The following ACSL3 variants were observed in gnomAD, a reference collection of about 807,000 sequenced individuals.
The protein encoded by ACSL3 is acyl-CoA synthetase long chain family member 3.
A neutral mutation model predicts 84.7 loss-of-function variants in ACSL3; 34 were observed. That is an observed-to-expected ratio of 0.40 (90% CI 0.31 to 0.53). The LOEUF (loss-of-function observed/expected upper bound fraction) is 0.53. ACSL3 is among the 20% of genes least tolerant of loss of function. ACSL3 has a pLI of 0.48. For missense variants in ACSL3, 680 were observed against 873.1 expected (o/e 0.78, Z 2.79); for synonymous variants, 315 against 299.4 (o/e 1.05, Z -0.54).
At chr2:222,862,730 A>G (rs575604324) in intron 1 of ACSL3, among the ~76,000 whole-genome samples, 129 of 152,138 alleles carry the variant, frequency 8.5e-4, no homozygotes, top group African/African-American at 3.1e-3. Flanking sequence ...GTTTTGTAGG[A>G]TGACATTGGG....
chr2:222,892,475 T>G (rs1029737063), intron 2 of ACSL3, among the ~76,000 whole-genome samples: 4 of 135,690 alleles, frequency 2.9e-5, no homozygotes, highest in Admixed American at 1.6e-4. Flanking sequence ...GCACTTTCCA[T>G]TATAACTCTG....
At chr2:222,865,206 TTTTAA>T (rs575510032) in intron 1 of ACSL3, among the ~76,000 whole-genome samples, 125 of 152,360 alleles carry the variant, frequency 8.2e-4, no homozygotes, top group Non-Finnish European at 1.3e-3. Context: ...GCCTTAATTC[TTTTAA>T]TTTAAAGTTT....
intron 16 of ACSL3, among the ~76,000 whole-genome samples, chr2:222,936,934 C>T (rs368463086): frequency 1.8e-4 from 28 of 152,154 alleles, no homozygotes; most frequent in African/African-American, 6.3e-4. Flanking sequence ...CTCACCATCA[C>T]GAGAACAACA....
chr2:222,905,006 C>T (rs1052738266), intron 3 of ACSL3: 1 of 152,610 alleles, frequency 6.6e-6, no homozygotes, highest in African/African-American at 2.4e-5. Flanking sequence ...CCTTTGCTGC[C>T]AGCAGCAGTT....
intron 7 of ACSL3, among the ~76,000 whole-genome samples, chr2:222,920,135 G>C (rs1014989231): frequency 9.2e-5 from 14 of 152,170 alleles, no homozygotes; most frequent in African/African-American, 7.2e-5. Flanking sequence ...CACAAGGATT[G>C]TAATTTCCAA....
At chr2:222,926,698 GATAA>G (rs1329582459) in intron 11 of ACSL3, among the ~76,000 whole-genome samples, 4 of 152,054 alleles carry the variant, frequency 2.6e-5, no homozygotes, top group African/African-American at 9.7e-5. Context: ...ATTAATATAT[GATAA>G]ATATTTTATG....
At chr2:222,871,249 G>GA (rs71408539) in intron 1 of ACSL3, among the ~76,000 whole-genome samples, 42,035 of 151,914 alleles carry the variant, frequency 0.28, 6,259 homozygotes, top group Middle Eastern at 0.34. Context: ...TGGGAAAGGT[G>GA]AAAGCAGAGT....
intron 1 of ACSL3, among the ~76,000 whole-genome samples, chr2:222,873,846 ATTTG>A (rs2106086794): frequency 6.6e-6 from 1 of 152,312 alleles, no homozygotes; most frequent in Non-Finnish European, 1.5e-5. Flanking sequence ...TCTCAAGTAA[ATTTG>A]TTTTTCTTCA....
chr2:222,934,743 T>C, intron 16 of ACSL3, 56 bp downstream of exon 16: 2 of 1,559,084 alleles, frequency 1.3e-6, no homozygotes, highest in Non-Finnish European at 1.7e-6. Flanking sequence ...AGTACTTACA[T>C]GCATTCAACC....
At chr2:222,907,795 C>T (rs1310081952) in intron 3 of ACSL3, among the ~76,000 whole-genome samples, 1 of 151,516 alleles carries the variant, frequency 6.6e-6, no homozygotes. Context: ...CCACCTGCCA[C>T]ACAATGGCTG....
chr2:222,870,660 A>T (rs1000071562), intron 1 of ACSL3, among the ~76,000 whole-genome samples: 3 of 152,212 alleles, frequency 2.0e-5, no homozygotes, highest in Non-Finnish European at 4.4e-5. Context: ...AGGACATTCC[A>T]GGTAGAGCTA....
intron 16 of ACSL3, among the ~76,000 whole-genome samples, chr2:222,936,493 C>G (rs964120671): frequency 6.6e-6 from 1 of 152,134 alleles, no homozygotes; most frequent in East Asian, 1.9e-4. Context: ...TTGCATTTCT[C>G]TTTTTATTAG....
chr2:222,923,195 C>T, intron 10 of ACSL3, 46 bp downstream of exon 10: 1 of 1,463,620 alleles, frequency 6.8e-7, no homozygotes, highest in South Asian at 1.1e-5. Context: ...AGAAGTATCA[C>T]CCGCTACAAA....
rs556449039 is a variant in ACSL3, at chr2:222,940,867, T to C, written c.2006-630T>C. Reference sequence around the variant, plus strand: ...TGTCATTAAGAGATGCGTGACTATATTGGATACCCTATTAGATACCTGTCT... The same window carrying C: ...TGTCATTAAGAGATGCGTGACTATACTGGATACCCTATTAGATACCTGTCT... On this transcript the variant is annotated intron_variant, in intron 16 of 16. Transcript: ENST00000357430. 9.2e-5 allele frequency among the ~76,000 whole-genome samples: 14 copies of C among 152,248 alleles called. No homozygotes were observed. The East Asian group carries it at 2.5e-3, about 27-fold the overall frequency.
intron 1 of ACSL3, among the ~76,000 whole-genome samples, chr2:222,885,738 T>TTAAG (rs1695703485): frequency 2.0e-5 from 3 of 151,566 alleles, no homozygotes; most frequent in Admixed American, 2.0e-4. Flanking sequence ...GTATCTGAGT[T>TTAAG]TAAGGTCTGT....
chr2:222,867,899 T>C (rs1695195253), intron 1 of ACSL3, among the ~76,000 whole-genome samples: 1 of 152,090 alleles, frequency 6.6e-6, no homozygotes, highest in African/African-American at 2.4e-5. Context: ...TTGTCCATTA[T>C]ACTTAACAGT....
chr2:222,889,336 T>A (rs371656205), intron 2 of ACSL3, among the ~76,000 whole-genome samples: 3 of 152,120 alleles, frequency 2.0e-5, no homozygotes, highest in Admixed American at 2.0e-4. Flanking sequence ...CAAAGATAAC[T>A]TTGTCATAAT....
chr2:222,863,084 A>T (rs13028279), intron 1 of ACSL3, among the ~76,000 whole-genome samples: 6,478 of 152,296 alleles, frequency 0.043, 198 homozygotes, highest in Middle Eastern at 0.088. Flanking sequence ...AGAGCCATTT[A>T]ATTTTTGTGA....
At position 222,941,946 on chromosome 2, in the gene ACSL3, A is replaced by G. The variant is rs1042357434; in HGVS notation, c.*292A>G. On this transcript the variant is annotated 3_prime_UTR_variant, in exon 17 of 17. Transcript: ENST00000357430. ...GGGAAGCAGTGATTTTAAAACCTCA[A>G]GTTTTTAAACATGATTTATATGTTC... The G allele has an allele frequency of 2.1e-5, 6 of 285,768 alleles. No homozygotes were observed. Among genetic ancestry groups the G allele is most frequent in the Admixed American group, 1.0e-4 (2 of 20,078 alleles). 17.7% of individuals were successfully genotyped at this position (285,768 alleles called of 1,614,324 possible). A position where few individuals can be genotyped will look rare whatever the true frequency, so the allele number is the denominator to read the frequency against.
Sources: allele counts gnomAD v4.1 joint callset (sites outside exome capture counted in the v4.1 genomes callset), GRCh38; gene constraint gnomAD v4.1.1; transcripts MANE v1.5; gene names NCBI Gene and HGNC (gene_info 2026-07-23, HGNC 2026-07-21).